The following CLPB variants were observed in gnomAD, a reference collection of about 807,000 sequenced individuals.
CLPB encodes ClpB family mitochondrial disaggregase.
CLPB carries 40 observed loss-of-function variants against 78.4 expected under a neutral mutation model. The observed-to-expected ratio is 0.51, with a 90% confidence interval of 0.40 to 0.66. The LOEUF is 0.66. Among genes scored for constraint, CLPB ranks in the 30% least tolerant of loss-of-function variants. The pLI is 0.00. For synonymous variants in CLPB, 333 were observed against 348.0 expected (o/e 0.96, Z 0.48); for missense variants, 780 against 886.9 (o/e 0.88, Z 1.53).
At chr11:72,375,386 C>A (rs1284101748) in intron 4 of CLPB, among the ~76,000 whole-genome samples, 1 of 152,294 alleles carries the variant, frequency 6.6e-6, no homozygotes, top group Non-Finnish European at 1.5e-5. Context: ...CACTCTCCGG[C>A]CTTATTTCTT....
intron 3 of CLPB, among the ~76,000 whole-genome samples, chr11:72,392,384 C>T (rs1457860411): frequency 6.6e-6 from 1 of 152,114 alleles, no homozygotes; most frequent in Non-Finnish European, 1.5e-5. Context: ...TGGTCTCTGG[C>T]TGGTCAGGAA....
intron 4 of CLPB, among the ~76,000 whole-genome samples, chr11:72,379,455 T>A (rs1482866823): frequency 6.6e-6 from 1 of 152,176 alleles, no homozygotes; most frequent in Non-Finnish European, 1.5e-5. Context: ...GCTGTTTTTT[T>A]CAATCCCACT....
chr11:72,329,994 C>A (rs113096902), intron 5 of CLPB, among the ~76,000 whole-genome samples, 190 bp from the exon 6 acceptor site: 1 of 152,154 alleles, frequency 6.6e-6, no homozygotes, highest in Non-Finnish European at 1.5e-5. Flanking sequence ...ACTACACACA[C>A]GTAGATGTGT....
At chr11:72,369,463 G>A (rs934141468) in intron 4 of CLPB, among the ~76,000 whole-genome samples, 1 of 151,786 alleles carries the variant, frequency 6.6e-6, no homozygotes, top group Non-Finnish European at 1.5e-5. Flanking sequence ...TGAGCTCCAG[G>A]GATCCTCTGG....
chr11:72,327,307 T>C (rs528071528), intron 6 of CLPB, among the ~76,000 whole-genome samples: 1 of 152,328 alleles, frequency 6.6e-6, no homozygotes, highest in South Asian at 2.1e-4. Flanking sequence ...TACCATCAGC[T>C]TTCTCTCATG....
At chr11:72,358,801 T>TGGC in intron 5 of CLPB, 79 bp downstream of exon 5, 3 of 102,142 alleles carry the variant, frequency 2.9e-5, no homozygotes, top group Non-Finnish European at 3.9e-5. Flanking sequence ...CCAAGCCCCA[T>TGGC]CCCACCCCTC....
At chr11:72,414,056 T>G (rs182583144) in intron 2 of CLPB, among the ~76,000 whole-genome samples, 1 of 151,972 alleles carries the variant, frequency 6.6e-6, no homozygotes. Context: ...AGAGGCAGAG[T>G]GTGCCAGAAA....
intron 3 of CLPB, among the ~76,000 whole-genome samples, chr11:72,388,027 G>T (rs1451684168): frequency 1.3e-5 from 2 of 152,078 alleles, no homozygotes; most frequent in African/African-American, 4.8e-5. Flanking sequence ...TGTCCAATTT[G>T]CAGGCTGTAG....
At chr11:72,424,702 T>C (rs1296391136) in intron 2 of CLPB, among the ~76,000 whole-genome samples, 1 of 152,096 alleles carries the variant, frequency 6.6e-6, no homozygotes. Flanking sequence ...CTGGCTAACA[T>C]GGTGAAACCC....
chr11:72,420,886 G>T (rs1026336631), intron 2 of CLPB, among the ~76,000 whole-genome samples: 2 of 152,114 alleles, frequency 1.3e-5, no homozygotes, highest in African/African-American at 4.8e-5. Context: ...CCAGCAGAAC[G>T]CAGTGGCTCA....
chr11:72,433,288 G>A (rs553328887), intron 1 of CLPB, among the ~76,000 whole-genome samples: 1 of 152,264 alleles, frequency 6.6e-6, no homozygotes, highest in Admixed American at 6.5e-5. Context: ...GGTCAGACGC[G>A]GTGGCTCACG....
At chr11:72,296,552 G>A (rs377018109) in intron 11 of CLPB, among the ~76,000 whole-genome samples, 1 of 152,370 alleles carries the variant, frequency 6.6e-6, no homozygotes, top group African/African-American at 2.4e-5. Context: ...GGGCATGACC[G>A]TACAACAGCA....
At chr11:72,405,575 G>A (rs1855685147) in intron 2 of CLPB, among the ~76,000 whole-genome samples, 1 of 152,142 alleles carries the variant, frequency 6.6e-6, no homozygotes. Context: ...CCACGTCTAA[G>A]AGGGATATCA....
chr11:72,382,731 C>A (rs1250482419), intron 3 of CLPB, among the ~76,000 whole-genome samples: 2 of 152,160 alleles, frequency 1.3e-5, no homozygotes, highest in Non-Finnish European at 2.9e-5. Flanking sequence ...TCAGGCAAAG[C>A]CAATCTGCAA....
chr11:72,434,022 A>C, intron 1 of CLPB, 50 bp downstream of exon 1: 3 of 1,583,200 alleles, frequency 1.9e-6, no homozygotes. Context: ...ATACGAAGTT[A>C]GGACAATCTT....
chr11:72,369,762 T>C (rs750620881), intron 4 of CLPB, among the ~76,000 whole-genome samples: 26 of 152,150 alleles, frequency 1.7e-4, no homozygotes, highest in Non-Finnish European at 3.1e-4. Flanking sequence ...TTTTATATAG[T>C]CTGTGTGTGT....
At chr11:72,377,069 T>C (rs1393148663) in intron 4 of CLPB, among the ~76,000 whole-genome samples, 2 of 152,190 alleles carry the variant, frequency 1.3e-5, no homozygotes, top group East Asian at 1.9e-4. Context: ...ATTTCCTTTT[T>C]TGGAAAGCGT....
rs911586282 is a variant in CLPB, at chr11:72,434,309, G to A, written c.166C>T (p.Pro56Ser). The change falls in exon 1 of 16, where the codon CCT (proline) becomes TCT (serine). Residue 56 changes from proline (P) to serine (S), a missense_variant. Pro to Ser is a moderately conservative substitution (Grantham distance 74). Around this residue, in one of 3 missense-constraint regions of CLPB, gnomAD observed 417 missense variants for 414.7 expected, o/e 1.01. Transcript: ENST00000538039. ...QWLRVATGGR[P>S]GTSPALFSGR... is the part of the protein sequence containing the mutation. ...GAGAACAAGGCCGGCGATGTTCCAGGGCGCCCCCCGGTGGCTACCCTCAGC... is the reference window on the plus strand; with the variant it reads ...GAGAACAAGGCCGGCGATGTTCCAGAGCGCCCCCCGGTGGCTACCCTCAGC... 3.1e-6 allele frequency: 5 copies of A among 1,612,272 alleles called. No individual in the cohort carries two copies. The highest frequency in any genetic ancestry group is 4.2e-6 in the Non-Finnish European group (5 of 1,179,748).
intron 6 of CLPB, among the ~76,000 whole-genome samples, chr11:72,320,324 A>G (rs2135533391): frequency 6.6e-6 from 1 of 152,206 alleles, no homozygotes; most frequent in South Asian, 2.1e-4. Context: ...ACTCTTCTTC[A>G]GTGTCATGGT....
Sources: gnomAD v4.1 joint callset for allele counts (sites outside exome capture counted in the v4.1 genomes callset) on GRCh38, gnomAD v4.1.1 for gene constraint, gnomAD v4.1.1 regional missense constraint, MANE v1.5 for transcripts, NCBI Gene and HGNC (gene_info 2026-07-23, HGNC 2026-07-21) for gene names.